Variants in TBCCD1 observed in about 807,000 individuals in gnomAD.
The protein encoded by TBCCD1 is TBCC domain containing 1, also known as TBCC domain-containing protein 1.
TBCCD1 carries 26 observed loss-of-function variants against 53.4 expected under a neutral mutation model. The ratio of observed to expected loss-of-function variants is 0.49; its 90% CI spans 0.36 to 0.68. The LOEUF is 0.68. Among genes scored for constraint, TBCCD1 ranks in the 30% least tolerant of loss-of-function variants. TBCCD1 has a pLI of 0.00. For missense variants in TBCCD1, 558 were observed against 669.5 expected (o/e 0.83, Z 1.84); for synonymous variants, 245 against 241.7 (o/e 1.01, Z -0.13).
chr3:186,569,800 T>C (rs1714958594), upstream of TBCCD1, among the ~76,000 whole-genome samples: 1 of 151,962 alleles, frequency 6.6e-6, no homozygotes, highest in Non-Finnish European at 1.5e-5. Flanking sequence ...CAGATTGAAG[T>C]ATAGTTCAGA....
chr3:186,566,885 T>C (rs914741730), intron 1 of TBCCD1, among the ~76,000 whole-genome samples: 1 of 152,130 alleles, frequency 6.6e-6, no homozygotes, highest in Non-Finnish European at 1.5e-5. Context: ...TGTGAGGTAC[T>C]GAGCCCCTGT....
chr3:186,553,990 G>C (rs1714450245), intron 6 of TBCCD1, among the ~76,000 whole-genome samples: 1 of 152,132 alleles, frequency 6.6e-6, no homozygotes, highest in Non-Finnish European at 1.5e-5. Flanking sequence ...TGGAATTACA[G>C]GCACACGCCA....
At position 186,555,929 on chromosome 3, in the gene TBCCD1, C is replaced by CT. The variant is rs145490998; in HGVS notation, c.859+479dup. ...TATCCCACACAGTGTGTTGCACAAA[C>CT]TGACACTCAAAAAATACGCGCAGGT... On this transcript the variant is annotated intron_variant, in intron 4 of 7. Coordinates refer to ENST00000338733, the MANE Select transcript of TBCCD1 (RefSeq NM_018138.5). Among the ~76,000 whole-genome samples the CT allele has an allele frequency of 5.6e-3, 851 of 152,250 alleles. 11 individuals are homozygous for CT. Among genetic ancestry groups the CT allele is most frequent in the African/African-American group, 0.02 (821 of 41,542 alleles).
chr3:186,564,016 T>G lies in TBCCD1; in HGVS notation c.314A>C (p.Glu105Ala). ...TACCTGATTTCTCTGCTTTTCAACT[T>G]CCTCCTCAGACATGCAGTTGGACAG... Reference protein sequence around the residue: ...EVLSNCMSEEEVEKQRNQLSV... With the variant: ...EVLSNCMSEEAVEKQRNQLSV... The change falls in exon 2 of 8, where the codon GAA becomes GCA. Residue 105 changes from glutamate to alanine, a missense_variant. By Grantham distance (107) the Glu-to-Ala change is moderately radical. Coordinates refer to ENST00000338733, the MANE Select transcript of TBCCD1 (RefSeq NM_018138.5). 1.2e-6 allele frequency: 2 copies of G among 1,610,916 alleles called. No homozygotes were observed. Among genetic ancestry groups the G allele is most frequent in the Non-Finnish European group, 1.7e-6 (2 of 1,178,004 alleles).
chr3:186,555,925 C>T (rs1578968684), intron 4 of TBCCD1, among the ~76,000 whole-genome samples: 4 of 152,004 alleles, frequency 2.6e-5, no homozygotes, highest in Admixed American at 2.6e-4. Flanking sequence ...GTGTGTTGCA[C>T]AAACTGACAC....
intron 3 of TBCCD1, among the ~76,000 whole-genome samples, 182 bp downstream of exon 3, chr3:186,558,235 C>CT (rs1714595573): frequency 6.6e-6 from 1 of 152,020 alleles, no homozygotes; most frequent in African/African-American, 2.4e-5. Context: ...AACCAGTTCT[C>CT]TATTGTGATT....
intron 3 of TBCCD1, among the ~76,000 whole-genome samples, chr3:186,556,986 T>C (rs1297796216): frequency 1.3e-5 from 2 of 152,212 alleles, no homozygotes; most frequent in Admixed American, 6.5e-5. Context: ...TGATGGCTAT[T>C]CCAGTCCCAA....
rs1246868859 is a variant in TBCCD1, at chr3:186,547,839, C to T, written c.*22-884G>A. Among the ~76,000 whole-genome samples, 5 of 151,866 alleles carry T rather than the reference C, an allele frequency of 3.3e-5. No homozygotes were observed. In the East Asian group the frequency reaches 9.7e-4, roughly 30 times the overall value. On this transcript the variant is annotated intron_variant, in intron 7 of 7. Coordinates refer to ENST00000338733, the MANE Select transcript of TBCCD1 (RefSeq NM_018138.5). Reference sequence around the variant, plus strand: ...AGCCAGGATGGTCTTGATCTCCTGACCTCGTGATCCACCCGTCTCGGCCTC... The same window carrying T: ...AGCCAGGATGGTCTTGATCTCCTGATCTCGTGATCCACCCGTCTCGGCCTC...
chr3:186,556,804 T>TA (rs1714557932), intron 3 of TBCCD1, 29 bp from the exon 4 acceptor site: 15 of 1,586,050 alleles, frequency 9.5e-6, no homozygotes, highest in Non-Finnish European at 8.5e-7. Flanking sequence ...AAAGCACTCT[T>TA]AATAAAGAGA....
In TBCCD1 at chr3:186,551,132, T is replaced by G. The variant is rs371733308; in HGVS notation, c.*18A>C. ...TTTAAGTGGTATAAATGCCTACCAG[T>G]GTCTGCATGTAAGATCCTTATCCAG... On this transcript the variant is annotated 3_prime_UTR_variant, in exon 7 of 8. Transcript: ENST00000338733. 6.2e-7 allele frequency: 1 copy of G among 1,604,840 alleles called. No homozygotes were observed. Among genetic ancestry groups the G allele is most frequent in the Non-Finnish European group, 8.5e-7 (1 of 1,177,892 alleles).
In TBCCD1 at chr3:186,556,758, A is replaced by G; in HGVS notation, c.510T>C (p.Ser170=). The G allele has an allele frequency of 1.2e-6, 2 of 1,613,734 alleles. No homozygotes were observed. The highest frequency in any genetic ancestry group is 2.2e-5 in the East Asian group (1 of 44,882). ...GATGATCATAGACAAAAGCTTGGTG[A>G]CTGTAATCATTCCAGTTCTAAAAAA... ...NCHNKNWNDY[S]HQAFVYDHLS... is the part of the protein sequence containing the mutation. The change falls in exon 4 of 8, where the codon AGT becomes AGC. Residue 170 remains serine, a synonymous_variant. Coordinates refer to ENST00000338733, the MANE Select transcript of TBCCD1 (RefSeq NM_018138.5).
In TBCCD1 at chr3:186,546,815, A is replaced by T. The variant is rs1714224351; in HGVS notation, c.*162T>A. ...CACTGCACTCCAGCCTGGGCGACAG[A>T]ACAAGACTCTGCCTCAAAAAAAAAA... On this transcript the variant is annotated 3_prime_UTR_variant, in exon 8 of 8. Transcript: ENST00000338733. 1 of 150,746 alleles carries T rather than the reference A, an allele frequency of 6.6e-6. No homozygotes were observed. The highest frequency in any genetic ancestry group is 1.5e-5 in the Non-Finnish European group (1 of 67,798). 9.3% of individuals were successfully genotyped at this position (150,746 alleles called of 1,614,324 possible).
intron 2 of TBCCD1, among the ~76,000 whole-genome samples, chr3:186,562,298 T>G: frequency 6.6e-6 from 1 of 152,186 alleles, no homozygotes; most frequent in East Asian, 1.9e-4. Context: ...TGAGCTATGA[T>G]TACATCCCTG....
chr3:186,547,914 C>T (rs955630368), intron 7 of TBCCD1, among the ~76,000 whole-genome samples: 1 of 152,166 alleles, frequency 6.6e-6, no homozygotes, highest in Admixed American at 6.5e-5. Context: ...AAAAAATACA[C>T]CCTTAAGAAA....
At chr3:186,547,490 A>G (rs1346599733) in intron 7 of TBCCD1, among the ~76,000 whole-genome samples, 1 of 152,034 alleles carries the variant, frequency 6.6e-6, no homozygotes, top group African/African-American at 2.4e-5. Context: ...TCCTGGCCTC[A>G]AGTGATCCTC....
Position 186,556,704 on chromosome 3 carries a change from A to T in TBCCD1, c.564T>A (p.Asp188Glu). ...HLSDLLELLL[D>E]PKQLTASFHS... ...GAAATGATGCAGTGAGTTGTTTTGG[A>T]TCTAAAAGCAGCTCGAGGAGATCAG... The change falls in exon 4 of 8, where the codon GAT becomes GAA. Residue 188 changes from aspartate to glutamate, a missense_variant. Physicochemically the swap from Asp to Glu is conservative, Grantham distance 45. Coordinates refer to ENST00000338733, the MANE Select transcript of TBCCD1 (RefSeq NM_018138.5). 2 of 1,614,216 alleles carry T rather than the reference A, an allele frequency of 1.2e-6. No individual in the cohort carries two copies. The highest frequency in any genetic ancestry group is 1.1e-5 in the South Asian group (1 of 91,088).
intron 1 of TBCCD1, among the ~76,000 whole-genome samples, chr3:186,565,655 A>G (rs1459657300): frequency 1.3e-5 from 2 of 152,176 alleles, no homozygotes; most frequent in African/African-American, 4.8e-5. Context: ...GGGCTCACTG[A>G]TTCTATTTTT....
chr3:186,554,135 A>G (rs1369950758), intron 6 of TBCCD1, 119 bp downstream of exon 6: 1 of 1,426,290 alleles, frequency 7.0e-7, no homozygotes, highest in Non-Finnish European at 9.5e-7. Flanking sequence ...GGCGTGAGCC[A>G]CCGCGCCCAG....
intron 7 of TBCCD1, among the ~76,000 whole-genome samples, chr3:186,548,979 C>A (rs1714289826): frequency 6.6e-6 from 1 of 152,276 alleles, no homozygotes; most frequent in South Asian, 2.1e-4. Context: ...TACAATTCAT[C>A]TGTCAATTTA....
Sources: allele counts gnomAD v4.1 joint callset (sites outside exome capture counted in the v4.1 genomes callset), GRCh38; gene constraint gnomAD v4.1.1; transcripts MANE v1.5; gene names NCBI Gene and HGNC (gene_info 2026-07-23, HGNC 2026-07-21).